NFATC1: variants seen among roughly 807,000 people sequenced by gnomAD.
NFATC1 encodes nuclear factor of activated T cells 1.
NFATC1 carries 22 observed loss-of-function variants against 76.0 expected under a neutral mutation model. The observed-to-expected ratio is 0.29, with a 90% CI of 0.21 to 0.41. The LOEUF is 0.41. Among genes scored for constraint, NFATC1 ranks in the 10% least tolerant of loss-of-function variants. The pLI, the probability that NFATC1 is intolerant of heterozygous loss-of-function variation, is 1.00. For missense variants in NFATC1, 1,357 were observed against 1,337.7 expected (o/e 1.01, Z -0.23); for synonymous variants, 704 against 613.1 (o/e 1.15, Z -2.19).
At chr18:79,467,384 G>A (rs1261883618) in intron 7 of NFATC1, 66 bp from the exon 8 acceptor site, 9 of 1,441,440 alleles carry the variant, frequency 6.2e-6, no homozygotes, top group South Asian at 5.7e-5. Flanking sequence ...CCGTGTGGCC[G>A]CCGTGGCGCG....
rs140569666 is a variant in NFATC1, at chr18:79,519,609, G to A, written c.2783-7919G>A. Among the ~76,000 whole-genome samples the A allele has an allele frequency of 5.0e-3, 767 of 152,314 alleles. 5 individuals carry two copies. The highest frequency in any genetic ancestry group is 0.017 in the African/African-American group (721 of 41,544). ...CCGCCTTGGCTTCCCAAAGTGCTGG[G>A]ATTACAGGTGTGAGCCACCATGCCT... On this transcript the variant is annotated intron_variant, in intron 9 of 9. Transcript: ENST00000427363.
At chr18:79,462,510 G>A (rs1243221704) in intron 7 of NFATC1, among the ~76,000 whole-genome samples, 1 of 152,122 alleles carries the variant, frequency 6.6e-6, no homozygotes, top group Non-Finnish European at 1.5e-5. Flanking sequence ...TGCCATGTTG[G>A]CCAAGCAGGT....
chr18:79,512,340 C>T (rs2090274978), intron 9 of NFATC1, among the ~76,000 whole-genome samples: 1 of 152,180 alleles, frequency 6.6e-6, no homozygotes, highest in Admixed American at 6.5e-5. Context: ...GCACTAGGAC[C>T]TCTCCCACCA....
chr18:79,440,569 G>T (rs932391823), intron 3 of NFATC1, among the ~76,000 whole-genome samples: 1 of 152,168 alleles, frequency 6.6e-6, no homozygotes, highest in Non-Finnish European at 1.5e-5. Flanking sequence ...CCCAGCAGGT[G>T]TCCAGTGACC....
Position 79,486,564 on chromosome 18 carries a change from G to A in NFATC1, c.2409G>A (p.Val803=), listed in dbSNP as rs747007002. ...PAGEAPAVQD[V]PRPVATHPGS... is the part of the protein sequence containing the mutation. ...GAGAGGCCCCCGCCGTCCAGGACGT[G>A]CCCAGGCCAGTGGCCACGCACCCCG... The change falls in exon 9 of 10, where the codon GTG becomes GTA. Residue 803 remains valine, a synonymous_variant. Transcript: ENST00000427363. 2.5e-6 allele frequency: 4 copies of A among 1,593,472 alleles called. No individual in the cohort carries two copies. In the South Asian group the frequency reaches 3.3e-5, roughly 13 times the overall value.
intron 3 of NFATC1, among the ~76,000 whole-genome samples, chr18:79,441,231 C>T (rs1481285850): frequency 2.6e-5 from 4 of 152,224 alleles, no homozygotes; most frequent in African/African-American, 9.6e-5. Context: ...GGTGCGGGCC[C>T]TGAAGGAGGG....
intron 9 of NFATC1, among the ~76,000 whole-genome samples, chr18:79,507,928 G>C (rs562827314): frequency 6.6e-6 from 1 of 152,252 alleles, no homozygotes; most frequent in South Asian, 2.1e-4. Flanking sequence ...CGGGCTCCCC[G>C]CAGCCGCAGT....
At chr18:79,516,643 G>A (rs967819484) in intron 9 of NFATC1, among the ~76,000 whole-genome samples, 1 of 152,152 alleles carries the variant, frequency 6.6e-6, no homozygotes, top group Admixed American at 6.5e-5. Flanking sequence ...CCAGATATTT[G>A]CTTGTGAAGG....
chr18:79,511,285 A>T (rs2090245445), intron 9 of NFATC1, among the ~76,000 whole-genome samples: 1 of 152,110 alleles, frequency 6.6e-6, no homozygotes, highest in Admixed American at 6.5e-5. Context: ...TGTCCTGAAG[A>T]TTACAAGGCC....
chr18:79,473,770 G>A (rs1000896593), intron 8 of NFATC1, among the ~76,000 whole-genome samples: 22 of 140,052 alleles, frequency 1.6e-4, no homozygotes, highest in African/African-American at 4.9e-4. Context: ...GTATTCTCAC[G>A]CTGTCGACAT....
At chr18:79,480,229 T>TG (rs1298965627) in intron 8 of NFATC1, among the ~76,000 whole-genome samples, 1 of 152,118 alleles carries the variant, frequency 6.6e-6, no homozygotes, top group Non-Finnish European at 1.5e-5. Flanking sequence ...AGAGAAGCAG[T>TG]GGGCAGGCAC....
At chr18:79,461,438 A>G in intron 7 of NFATC1, 72 bp downstream of exon 7, 1 of 1,537,798 alleles carries the variant, frequency 6.5e-7, no homozygotes. Context: ...TGCTGGAGCC[A>G]CTGCGGGTCC....
At chr18:79,494,000 G>A (rs1470279207) in intron 9 of NFATC1, among the ~76,000 whole-genome samples, 2 of 151,480 alleles carry the variant, frequency 1.3e-5, no homozygotes, top group East Asian at 3.9e-4. Context: ...CCAGCCCCAG[G>A]CCCGGAGCTG....
chr18:79,468,940 G>C, intron 8 of NFATC1: 1 of 151,244 alleles, frequency 6.6e-6, no homozygotes, highest in South Asian at 2.1e-4. Flanking sequence ...GGACCCCCGG[G>C]ATTGTGGGGA....
chr18:79,515,201 T>C (rs1457164424), intron 9 of NFATC1, among the ~76,000 whole-genome samples: 3 of 151,474 alleles, frequency 2.0e-5, no homozygotes, highest in African/African-American at 4.9e-5. Context: ...AAAAATTAGC[T>C]GGGTGTGGTG....
At chr18:79,401,860 G>A (rs892096580) in intron 1 of NFATC1, among the ~76,000 whole-genome samples, 2 of 152,190 alleles carry the variant, frequency 1.3e-5, no homozygotes, top group East Asian at 1.9e-4. Flanking sequence ...GCCCAGTGCT[G>A]CCAGAACCCA....
intron 9 of NFATC1, among the ~76,000 whole-genome samples, chr18:79,517,957 T>G (rs2090424878): frequency 6.6e-6 from 1 of 152,260 alleles, no homozygotes; most frequent in South Asian, 2.1e-4. Context: ...AACAGTGTAT[T>G]TGGGTTAGCG....
At chr18:79,523,955 A>C (rs1376734399) in intron 9 of NFATC1, 1 of 152,182 alleles carries the variant, frequency 6.6e-6, no homozygotes, top group Non-Finnish European at 1.5e-5. Flanking sequence ...TGCAATTCAA[A>C]ATATGCTAGG....
At position 79,528,513 on chromosome 18, in the gene NFATC1, A is replaced by G. The variant is rs1195247042; in HGVS notation, c.*936A>G. 1 of 152,252 alleles carries G rather than the reference A, an allele frequency of 6.6e-6. No homozygotes were observed. Among genetic ancestry groups the G allele is most frequent in the Non-Finnish European group, 1.5e-5 (1 of 68,050 alleles). 9.4% of individuals were successfully genotyped at this position (152,252 alleles called of 1,614,324 possible). A position where few individuals can be genotyped will look rare whatever the true frequency, so the allele number is the denominator to read the frequency against. The stretch of plus-strand genomic sequence containing the variant: ...CCAGTCGCTGCTCTTGCTGGCGTCC[A>G]TCGCCGCCTCGGACGGCCGTGCATT... On this transcript the variant is annotated 3_prime_UTR_variant, in exon 10 of 10. Coordinates refer to ENST00000427363, the MANE Select transcript of NFATC1 (RefSeq NM_001278669.2).
Sources: allele counts gnomAD v4.1 joint callset (sites outside exome capture counted in the v4.1 genomes callset), GRCh38; gene constraint gnomAD v4.1.1; transcripts MANE v1.5; gene names NCBI Gene and HGNC (gene_info 2026-07-23, HGNC 2026-07-21).